The following SP110 variants were observed in gnomAD, a reference collection of about 807,000 sequenced individuals.
SP110 encodes SP110 nuclear body protein, also known as interferon-induced protein 41, 30kD.
SP110 carries 62 observed loss-of-function variants against 92.7 expected under a neutral mutation model. The observed-to-expected ratio is 0.67, with a 90% confidence interval of 0.55 to 0.83. The LOEUF (loss-of-function observed/expected upper bound fraction) is 0.83, where lower values mean the gene tolerates loss of function less well. SP110 is among the 40% of genes least tolerant of loss of function. The probability of loss-of-function intolerance (pLI) is 0.00; values close to 1 mark genes in which losing one functional copy is unlikely to be tolerated. For missense variants in SP110, 793 were observed against 863.9 expected, an observed-to-expected ratio of 0.92 and a Z score of 1.03; for synonymous variants, 273 against 305.3, an observed-to-expected ratio of 0.89 and a Z score of 1.10.
Position 230,168,934 on chromosome 2 carries a change from T to TTTTTTTTTTG in SP110, c.*189_*190insCAAAAAAAAA. 3.7e-6 allele frequency: 2 copies of TTTTTTTTTTG among 544,332 alleles called. No individual in the cohort carries two copies. Among genetic ancestry groups the TTTTTTTTTTG allele is most frequent in the Non-Finnish European group, 3.3e-6 (1 of 303,328 alleles). The allele number at this position is 544,332 out of a possible 1,614,324, so 33.7% of individuals were successfully genotyped here. A position where few individuals can be genotyped will look rare whatever the true frequency, so the allele number is the denominator to read the frequency against. On this transcript the variant is annotated 3_prime_UTR_variant, in exon 19 of 19. Coordinates refer to ENST00000258381, the MANE Select transcript of SP110 (RefSeq NM_080424.4). ...AAGTATTAATTTTTTTTTTTTTTAG[T>TTTTTTTTTTG]GTAGATATAGACTTTTAAAGGTAAA... is the stretch of plus-strand genomic sequence containing the variant.
At chr2:230,176,838 A>C in intron 14 of SP110, 231 of 1,114,688 alleles carry the variant, frequency 2.1e-4, no homozygotes, top group Non-Finnish European at 2.8e-4. Context: ...ACTGGATCTC[A>C]AACCCAAGAA....
intron 10 of SP110, among the ~76,000 whole-genome samples, chr2:230,197,900 T>C (rs1007661): frequency 0.88 from 133,502 of 152,222 alleles, 58,587 homozygotes; most frequent in East Asian, 1. Flanking sequence ...AATTCTCCCA[T>C]GTTGGCCTCC....
Position 230,177,602 on chromosome 2 carries a change from C to T in SP110, c.1526G>A (p.Arg509Lys). ...PNEFEVEGKG[R>K]NAKNWKRNIR... ...ATTCCGTTTCCAGTTCTTTGCGTTC[C>T]TTCCTTTTCCTTCGACTTCAAATTC... is the stretch of plus-strand genomic sequence containing the variant. Residue 509 changes from arginine to lysine, a missense_variant, in exon 14 of 19, where the codon AGG (arginine) becomes AAG (lysine). Coordinates refer to ENST00000258381, the MANE Select transcript of SP110 (RefSeq NM_080424.4). The T allele has an allele frequency of 6.2e-7, 1 of 1,614,112 alleles. No individual in the cohort carries two copies. Among genetic ancestry groups the T allele is most frequent in the East Asian group, 2.2e-5 (1 of 44,892 alleles).
At chr2:230,212,288 G>C in intron 5 of SP110, 59 bp downstream of exon 5, 1 of 1,255,916 alleles carries the variant, frequency 8.0e-7, no homozygotes, top group Non-Finnish European at 1.2e-6. Context: ...GTTGGCAGAC[G>C]CATGTTCTCC....
intron 10 of SP110, among the ~76,000 whole-genome samples, chr2:230,186,442 C>A (rs1188042160): frequency 1.3e-5 from 2 of 152,190 alleles, no homozygotes; most frequent in African/African-American, 4.8e-5. Context: ...ACCTTACACT[C>A]CACTGCTGAA....
Position 230,172,188 on chromosome 2 carries a change from C to A in SP110, c.1707-14G>T, listed in dbSNP as rs202230727. On this transcript the variant is annotated splice_polypyrimidine_tract_variant and intron_variant, in intron 15 of 18. Transcript: ENST00000258381. Reference sequence around the variant, plus strand: ...CTCCACAGCATCCTGAGAGGTTGGACACAAGGTGAGCAGAGGGCAAAGCCC... The same window carrying A: ...CTCCACAGCATCCTGAGAGGTTGGAAACAAGGTGAGCAGAGGGCAAAGCCC... 2.3e-5 allele frequency: 35 copies of A among 1,528,620 alleles called. No homozygotes were observed. Among genetic ancestry groups the A allele is most frequent in the Middle Eastern group, 3.4e-4 (2 of 5,920 alleles). 94.7% of individuals were successfully genotyped at this position (1,528,620 alleles called of 1,614,324 possible). A position where few individuals can be genotyped will look rare whatever the true frequency, so the allele number is the denominator to read the frequency against.
At position 230,179,141 on chromosome 2, in the gene SP110, G is replaced by A. The variant is rs1014998475; in HGVS notation, c.1349-886C>T. On this transcript the variant is annotated intron_variant, in intron 12 of 18. Transcript: ENST00000258381. ...CAAATGGCAAAACAAGAGCATTGACGGAAAGGTGAAGGAACAGTATCAGCG... is the reference window on the plus strand; with the variant it reads ...CAAATGGCAAAACAAGAGCATTGACAGAAAGGTGAAGGAACAGTATCAGCG... Among the ~76,000 whole-genome samples the A allele has an allele frequency of 9.2e-5, 14 of 152,192 alleles. 1 individual carries two copies. The highest frequency in any genetic ancestry group is 5.8e-4 in the East Asian group (3 of 5,200).
intron 2 of SP110, among the ~76,000 whole-genome samples, chr2:230,216,108 T>A (rs1324668543): frequency 6.6e-6 from 1 of 152,196 alleles, no homozygotes; most frequent in African/African-American, 2.4e-5. Flanking sequence ...CTGTCTCACA[T>A]CAGAATGCAC....
At chr2:230,212,552 C>T in intron 4 of SP110, 122 bp from the exon 5 acceptor site, 1 of 1,053,718 alleles carries the variant, frequency 9.5e-7, no homozygotes, top group Non-Finnish European at 1.5e-6. Context: ...TTGGAATGTC[C>T]CGGGAGTGGG....
intron 8 of SP110, among the ~76,000 whole-genome samples, chr2:230,205,994 GGGGGAGA>G (rs1559168775): frequency 1.3e-5 from 2 of 152,126 alleles, no homozygotes; most frequent in Non-Finnish European, 2.9e-5. Flanking sequence ...TAAGTAGAAT[GGGGGAGA>G]AAGCAGCTTG....
rs1003206968 is a variant in SP110 at position 230,186,604 on chromosome 2, C to T, written c.1130-461G>A. Reference sequence around the variant, plus strand: ...AAATCTGAGACTTTAGTGCACTCTTCGTCTGAGTAGTGTACATTGTACCCA... The same window carrying T: ...AAATCTGAGACTTTAGTGCACTCTTTGTCTGAGTAGTGTACATTGTACCCA... On this transcript the variant is annotated intron_variant, in intron 10 of 18. Transcript: ENST00000258381. 8.5e-5 allele frequency among the ~76,000 whole-genome samples: 13 copies of T among 152,250 alleles called. No individual in the cohort carries two copies. In the East Asian group the frequency reaches 9.7e-4, roughly 11 times the overall value.
chr2:230,198,980 G>A (rs1338008668), intron 10 of SP110, among the ~76,000 whole-genome samples: 2 of 151,992 alleles, frequency 1.3e-5, no homozygotes, highest in African/African-American at 4.8e-5. Flanking sequence ...ACATAGACAT[G>A]CTGGCTGGAC....
chr2:230,202,852 G>A lies in SP110; in HGVS notation c.899-124C>T, dbSNP rs182182647. 4.6e-3 allele frequency: 4,081 copies of A among 893,432 alleles called. 60 individuals carry two copies. The highest frequency in any genetic ancestry group is 0.028 in the South Asian group (2,110 of 74,958). 55.3% of individuals were successfully genotyped at this position (893,432 alleles called of 1,614,324 possible). A position where few individuals can be genotyped will look rare whatever the true frequency, so the allele number is the denominator to read the frequency against. On this transcript the variant is annotated intron_variant, in intron 8 of 18. Transcript: ENST00000258381. ...CACTCTTTCAGATCTCTGTACCCCTGTACCTCACTTTTCTCCTCCTACTTC... is the reference window on the plus strand; with the variant it reads ...CACTCTTTCAGATCTCTGTACCCCTATACCTCACTTTTCTCCTCCTACTTC...
intron 3 of SP110, among the ~76,000 whole-genome samples, chr2:230,213,231 A>G (rs1039154399): frequency 6.6e-5 from 10 of 152,194 alleles, no homozygotes; most frequent in African/African-American, 2.4e-4. Flanking sequence ...ATTGAGTGCT[A>G]CAATAAGTGC....
chr2:230,221,876 T>C (rs1309354952), upstream of SP110: 7 of 707,744 alleles, frequency 9.9e-6, no homozygotes, highest in Admixed American at 1.7e-4. Context: ...CAGGCAAAAA[T>C]TGTTACATGA....
chr2:230,171,939 T>C (rs1413081770), intron 16 of SP110, 127 bp downstream of exon 16: 12 of 842,840 alleles, frequency 1.4e-5, no homozygotes, highest in East Asian at 4.8e-5. Flanking sequence ...AGTTTGGGCA[T>C]TAAATCGTCA....
At chr2:230,207,956 C>A in intron 8 of SP110, 35 bp downstream of exon 8, 1 of 1,092,340 alleles carries the variant, frequency 9.2e-7, no homozygotes, top group East Asian at 2.4e-5. Context: ...TGAGCTGTTT[C>A]CAGCCTCCAG....
upstream of SP110, chr2:230,220,070 A>G (rs1574819296): frequency 1.0e-6 from 1 of 985,564 alleles, no homozygotes; most frequent in Non-Finnish European, 1.2e-6. Context: ...AGCTGAAGGC[A>G]GGTCGGTGCC....
chr2:230,166,248 A>G lies in SP110; in HGVS notation c.*2876T>C, dbSNP rs1354072178. Among the ~76,000 whole-genome samples, 1 of 152,238 alleles carries G rather than the reference A, an allele frequency of 6.6e-6. No individual in the cohort carries two copies. The highest frequency in any genetic ancestry group is 1.5e-5 in the Non-Finnish European group (1 of 68,050). ...AATAGATGACTTCTTAGAAAAACAT[A>G]AAAGCAGAGCTGTCTCAAAAACCAA... On this transcript the variant is annotated 3_prime_UTR_variant, in exon 19 of 19. Transcript: ENST00000258381.
Sources: allele counts gnomAD v4.1 joint callset (sites outside exome capture counted in the v4.1 genomes callset), GRCh38; gene constraint gnomAD v4.1.1; transcripts MANE v1.5; gene names NCBI Gene and HGNC (gene_info 2026-07-23, HGNC 2026-07-21).